The following ANK2 variants were observed in gnomAD, a reference collection of about 807,000 sequenced individuals.
ANK2 encodes the protein ankyrin 2.
Under a neutral mutation model 360.5 loss-of-function variants are expected in ANK2, and 83 were observed. The ratio of observed to expected loss-of-function variants is 0.23; its 90% confidence interval spans 0.19 to 0.28. ANK2 has a LOEUF of 0.28. Ranked by LOEUF, ANK2 falls within the 10% of genes least tolerant of loss-of-function variation. The pLI, the probability that ANK2 is intolerant of heterozygous loss-of-function variation, is 1.00. For missense variants in ANK2, 4,201 were observed against 4,795.7 expected (o/e 0.88, Z 3.66); for synonymous variants, 1,740 against 1,759.5 (o/e 0.99, Z 0.28).
In ANK2 at chr4:113,084,490, T is replaced by G. The variant is rs313967; in HGVS notation, c.84+34678T>G. ...CCATAATTGAATACATTTAGGACTT[T>G]GCTTTAGAACTAGAGGAGATGTTAT... On this transcript the variant is annotated intron_variant, in intron 1 of 45. Coordinates refer to ENST00000357077, the MANE Select transcript of ANK2 (RefSeq NM_001148.6). Among the ~76,000 whole-genome samples the G allele has an allele frequency of 2.6e-5, 4 of 152,126 alleles. 1 individual carries two copies. The South Asian group carries it at 8.3e-4, about 32-fold the overall frequency.
At chr4:113,202,260 G>A (rs1379653081) in intron 4 of ANK2, among the ~76,000 whole-genome samples, 1 of 152,118 alleles carries the variant, frequency 6.6e-6, no homozygotes, top group Non-Finnish European at 1.5e-5. Context: ...AGCCACTGAG[G>A]GCTGATTTGA....
At chr4:113,048,272 ATATATT>A (rs1561689500), upstream of ANK2, among the ~76,000 whole-genome samples, 11 of 47,990 alleles carry the variant, frequency 2.3e-4, no homozygotes, top group South Asian at 8.5e-4. Context: ...ATATATATAT[ATATATT>A]TTTTTTTTTT....
At chr4:112,718,638 T>G in the ANK2 span, among the ~76,000 whole-genome samples, 1 of 151,954 alleles carries the variant, frequency 6.6e-6, no homozygotes, top group African/African-American at 2.4e-5. Context: ...TTTTATTTAT[T>G]TTTTATTTTT....
At chr4:113,045,577 C>A (rs2064092540), upstream of ANK2, among the ~76,000 whole-genome samples, 1 of 152,190 alleles carries the variant, frequency 6.6e-6, no homozygotes, top group Non-Finnish European at 1.5e-5. Context: ...CGTAAAGTCA[C>A]TTAGTATTTA....
At chr4:112,948,672 G>GT (rs1313623485) in intron 2 of ANK2, among the ~76,000 whole-genome samples, 2 of 152,056 alleles carry the variant, frequency 1.3e-5, no homozygotes, top group Admixed American at 6.5e-5. Flanking sequence ...TTAAATCCCT[G>GT]TTTTTGGTAA....
intron 13 of ANK2, among the ~76,000 whole-genome samples, chr4:113,262,687 C>T (rs993386814): frequency 1.3e-5 from 2 of 150,350 alleles, no homozygotes; most frequent in African/African-American, 5.0e-5. Flanking sequence ...TTAAAAAGTA[C>T]AGTATAACAA....
At chr4:113,322,984 G>C (rs1475884732) in intron 26 of ANK2, among the ~76,000 whole-genome samples, 1 of 152,086 alleles carries the variant, frequency 6.6e-6, no homozygotes, top group Non-Finnish European at 1.5e-5. Flanking sequence ...CAAGTGTTTA[G>C]TAAGGTTGGA....
intron 13 of ANK2, among the ~76,000 whole-genome samples, chr4:113,261,286 G>A (rs1259144968): frequency 6.6e-6 from 1 of 152,032 alleles, no homozygotes; most frequent in African/African-American, 2.4e-5. Flanking sequence ...ATAATCCAAA[G>A]TATTCATCAA....
chr4:113,373,817 G>A (rs1376473329), intron 45 of ANK2, among the ~76,000 whole-genome samples: 1 of 152,160 alleles, frequency 6.6e-6, no homozygotes, highest in African/African-American at 2.4e-5. Context: ...TGGTGCTTGT[G>A]CCTGGTTGGC....
At position 113,354,395 on chromosome 4, in the gene ANK2, C is replaced by T. The variant is rs764446660; in HGVS notation, c.5777C>T (p.Pro1926Leu). Residue 1926 changes from proline to leucine, a missense_variant, in exon 38 of 46, where the codon CCG becomes CTG. Around this residue, in one of 4 missense-constraint regions of ANK2, gnomAD observed 2,642 missense variants for 2,714.5 expected, o/e 0.97. Transcript: ENST00000357077. Reference sequence around the variant, plus strand: ...CCCTCCGGGAGGACAGAAAAACACCCGCCAGTATCGCCTGGGAGAACAGAA... The same window carrying T: ...CCCTCCGGGAGGACAGAAAAACACCTGCCAGTATCGCCTGGGAGAACAGAA... Reference protein sequence around the residue: ...VSPSGRTEKHPPVSPGRTEKR... With the variant: ...VSPSGRTEKHLPVSPGRTEKR... 37 of 1,613,932 alleles carry T rather than the reference C, an allele frequency of 2.3e-5. No individual in the cohort carries two copies. Among genetic ancestry groups the T allele is most frequent in the Admixed American group, 1.3e-4 (8 of 59,994 alleles).
At chr4:112,723,565 T>C in the ANK2 span, among the ~76,000 whole-genome samples, 2 of 152,176 alleles carry the variant, frequency 1.3e-5, no homozygotes, top group Non-Finnish European at 2.9e-5. Context: ...GGTTTCACCA[T>C]ATTGGCCAGG....
chr4:112,818,814 G>A (rs551221829), intron 1 of ANK2, among the ~76,000 whole-genome samples: 182 of 152,236 alleles, frequency 1.2e-3, no homozygotes, highest in Non-Finnish European at 1.9e-3. Context: ...TTTTTTTATG[G>A]TCAAAATTTA....
upstream of ANK2, among the ~76,000 whole-genome samples, chr4:113,046,340 G>A (rs2064374724): frequency 6.6e-6 from 1 of 152,126 alleles, no homozygotes; most frequent in African/African-American, 2.4e-5. Flanking sequence ...GAAGTGCATT[G>A]TATACAAGTT....
chr4:113,335,865 C>G lies in ANK2; in HGVS notation c.3399C>G (p.Asp1133Glu), dbSNP rs748934954. The change falls in exon 30 of 46, where the codon GAC (aspartate) becomes GAG (glutamate). Residue 1133 changes from aspartate to glutamate, a missense_variant. Coordinates refer to ENST00000357077, the MANE Select transcript of ANK2 (RefSeq NM_001148.6). ...TCTTAGTACTGGATAGCCCAGAAGA[C>G]CTAGAAAAGAAACGAATCTGCCGCA... ...GMDEVLDSPEDLEKKRICRII... is the reference protein window; with the variant it reads ...GMDEVLDSPEELEKKRICRII... 2 of 1,614,002 alleles carry G rather than the reference C, an allele frequency of 1.2e-6. No homozygotes were observed. The highest frequency in any genetic ancestry group is 2.7e-5 in the African/African-American group (2 of 74,906).
chr4:113,381,507 A>G lies in ANK2; in HGVS notation c.*36A>G, dbSNP rs776659840. 1.9e-6 allele frequency: 3 copies of G among 1,613,984 alleles called. No individual in the cohort carries two copies. The highest frequency in any genetic ancestry group is 2.5e-6 in the Non-Finnish European group (3 of 1,180,008). On this transcript the variant is annotated 3_prime_UTR_variant, in exon 46 of 46. Transcript: ENST00000357077. Reference sequence around the variant, plus strand: ...CAGAAGAGGGCTGTGGTGAAGGACCAGCATGGAAAACGCATTGACTTGGAG... The same window carrying G: ...CAGAAGAGGGCTGTGGTGAAGGACCGGCATGGAAAACGCATTGACTTGGAG...
the ANK2 span, among the ~76,000 whole-genome samples, chr4:112,767,566 C>CAATAAATA: frequency 0.31 from 45,375 of 144,488 alleles, 7,761 homozygotes; most frequent in East Asian, 0.62. Flanking sequence ...GACCCTGTCT[C>CAATAAATA]AATAAATAAA....
At chr4:112,779,246 C>T in the ANK2 span, among the ~76,000 whole-genome samples, 1 of 152,134 alleles carries the variant, frequency 6.6e-6, no homozygotes, top group Non-Finnish European at 1.5e-5. Flanking sequence ...TGGCCGGGTG[C>T]GGTGGCTCAC....
chr4:112,825,358 G>A (rs201256114), intron 1 of ANK2, among the ~76,000 whole-genome samples: 1 of 151,950 alleles, frequency 6.6e-6, no homozygotes, highest in South Asian at 2.1e-4. Flanking sequence ...TTTAAAAAAA[G>A]AAAGAAAAAG....
At chr4:112,853,892 T>C in intron 1 of ANK2, among the ~76,000 whole-genome samples, 1 of 152,214 alleles carries the variant, frequency 6.6e-6, no homozygotes, top group East Asian at 1.9e-4. Context: ...TAAACATACA[T>C]AAGTGTCATT....
Sources: allele counts gnomAD v4.1 joint callset (sites outside exome capture counted in the v4.1 genomes callset), GRCh38; gene constraint gnomAD v4.1.1; regional missense constraint gnomAD v4.1.1; transcripts MANE v1.5; gene names NCBI Gene and HGNC (gene_info 2026-07-23, HGNC 2026-07-21).